The following OR2L13 variants were observed in gnomAD, a reference collection of about 807,000 sequenced individuals.
OR2L13 encodes olfactory receptor family 2 subfamily L member 13.
In OR2L13, 14 loss-of-function variants were observed where a neutral mutation model predicts 15.3. That is an observed-to-expected ratio of 0.91 (90% confidence interval 0.60 to 1.43). The LOEUF is 1.43. OR2L13 is among the 40% of genes most tolerant of loss of function. The pLI is 0.00. For missense variants in OR2L13, 367 were observed against 387.9 expected (o/e 0.95, Z 0.45); for synonymous variants, 152 against 142.9 (o/e 1.06, Z -0.45).
the OR2L13 span, among the ~76,000 whole-genome samples, chr1:247,993,197 C>T: frequency 2.0e-5 from 3 of 152,046 alleles, no homozygotes; most frequent in African/African-American, 4.8e-5. Context: ...GTTCGTTGTT[C>T]ATGTAACTTC....
the OR2L13 span, among the ~76,000 whole-genome samples, chr1:247,953,290 G>A: frequency 6.6e-6 from 1 of 152,092 alleles, no homozygotes; most frequent in Admixed American, 6.6e-5. Flanking sequence ...TTATGCTGTG[G>A]TTATTATTTC....
chr1:247,979,611 G>A, the OR2L13 span, among the ~76,000 whole-genome samples: 10 of 152,134 alleles, frequency 6.6e-5, no homozygotes, highest in East Asian at 1.4e-3. Context: ...GAATAGTGCT[G>A]CAAGAAACAT....
the OR2L13 span, chr1:248,045,829 A>G: frequency 2.0e-5 from 3 of 152,206 alleles, no homozygotes; most frequent in African/African-American, 7.2e-5. Context: ...AATTGATCAC[A>G]ACTAGTTACA....
chr1:247,955,447 C>A, the OR2L13 span, among the ~76,000 whole-genome samples: 1 of 151,546 alleles, frequency 6.6e-6, no homozygotes, highest in Admixed American at 6.6e-5. Context: ...GTTTTATAAT[C>A]CTTTGGGTAT....
chr1:248,097,666 T>G (rs996095003), intron 1 of OR2L13, among the ~76,000 whole-genome samples: 1 of 152,182 alleles, frequency 6.6e-6, no homozygotes, highest in African/African-American at 2.4e-5. Flanking sequence ...TCAAAACAAC[T>G]CCAGGATGGA....
At chr1:248,003,503 A>T in the OR2L13 span, 1 of 1,611,966 alleles carries the variant, frequency 6.2e-7, no homozygotes, top group South Asian at 1.1e-5. Flanking sequence ...TTGCATTGCT[A>T]TTTGCTTTCC....
At chr1:247,940,858 CCCA>C in the OR2L13 span, among the ~76,000 whole-genome samples, 1 of 152,072 alleles carries the variant, frequency 6.6e-6, no homozygotes, top group Admixed American at 6.6e-5. Flanking sequence ...AATTTACATT[CCCA>C]CCAACAGCAT....
chr1:247,959,481 T>C, the OR2L13 span, among the ~76,000 whole-genome samples: 1 of 152,138 alleles, frequency 6.6e-6, no homozygotes, highest in East Asian at 1.9e-4. Flanking sequence ...TGAATTTGAA[T>C]GTTGGCCTGC....
chr1:248,027,321 T>A, the OR2L13 span, among the ~76,000 whole-genome samples: 1 of 152,210 alleles, frequency 6.6e-6, no homozygotes, highest in African/African-American at 2.4e-5. Flanking sequence ...AATGACAATG[T>A]GTGCCCAAAA....
At chr1:248,068,154 A>T in the OR2L13 span, among the ~76,000 whole-genome samples, 2 of 152,188 alleles carry the variant, frequency 1.3e-5, no homozygotes, top group African/African-American at 2.4e-5. Flanking sequence ...TGGTTCTCCC[A>T]GCACGCAGCT....
upstream of OR2L13, among the ~76,000 whole-genome samples, chr1:248,094,935 A>C (rs1243939834): frequency 6.6e-6 from 1 of 152,216 alleles, no homozygotes; most frequent in Non-Finnish European, 1.5e-5. Flanking sequence ...GAAATCATGT[A>C]CTGGAATATT....
the OR2L13 span, chr1:247,991,290 C>A: frequency 3.8e-6 from 3 of 798,206 alleles, 1 homozygote; most frequent in Middle Eastern, 4.8e-4. Context: ...TTATTACATG[C>A]CCAGTATGTC....
At chr1:248,091,161 T>A (rs1664588143), upstream of OR2L13, among the ~76,000 whole-genome samples, 1 of 152,176 alleles carries the variant, frequency 6.6e-6, no homozygotes, top group African/African-American at 2.4e-5. Context: ...TTGTTTAAAT[T>A]TCTTTATAGA....
chr1:248,060,064 G>A, the OR2L13 span, among the ~76,000 whole-genome samples: 1 of 151,290 alleles, frequency 6.6e-6, no homozygotes, highest in Non-Finnish European at 1.5e-5. Context: ...GTATAAATAT[G>A]GAAAGATAAT....
the OR2L13 span, among the ~76,000 whole-genome samples, chr1:247,946,000 C>A: frequency 6.6e-6 from 1 of 152,088 alleles, no homozygotes; most frequent in Non-Finnish European, 1.5e-5. Flanking sequence ...GGATGCATTT[C>A]CATTTATTTT....
At chr1:247,950,534 A>G in the OR2L13 span, among the ~76,000 whole-genome samples, 1 of 152,110 alleles carries the variant, frequency 6.6e-6, no homozygotes, top group African/African-American at 2.4e-5. Context: ...GTTTAGTTTC[A>G]TTTTTCTGCA....
the OR2L13 span, among the ~76,000 whole-genome samples, chr1:247,963,453 T>C: frequency 6.6e-6 from 1 of 152,188 alleles, no homozygotes; most frequent in African/African-American, 2.4e-5. Context: ...ATTTACCACA[T>C]CCTGTTTTAT....
At chr1:248,017,933 T>G in the OR2L13 span, among the ~76,000 whole-genome samples, 4,810 of 151,988 alleles carry the variant, frequency 0.032, 231 homozygotes, top group African/African-American at 0.11. Context: ...AAAAATACAT[T>G]CGTATCGAGA....
chr1:248,009,299 G>C, the OR2L13 span, among the ~76,000 whole-genome samples: 1,565 of 151,944 alleles, frequency 0.01, 54 homozygotes, highest in Admixed American at 0.066. Flanking sequence ...GAAGAAAAGA[G>C]AGAAGAATAA....
Sources: allele counts gnomAD v4.1 joint callset (sites outside exome capture counted in the v4.1 genomes callset), GRCh38; gene constraint gnomAD v4.1.1; transcripts MANE v1.5; gene names NCBI Gene and HGNC (gene_info 2026-07-23, HGNC 2026-07-21).